The following EIF4G3 variants were observed in gnomAD, a reference collection of about 807,000 sequenced individuals.
The protein encoded by EIF4G3 is eukaryotic translation initiation factor 4 gamma 3, also known as eIF-4-gamma 3.
Under a neutral mutation model 186.4 loss-of-function variants are expected in EIF4G3, and 34 were observed. The ratio of observed to expected loss-of-function variants is 0.18; its 90% confidence interval spans 0.14 to 0.24. The LOEUF (loss-of-function observed/expected upper bound fraction) is 0.24, where lower values mean the gene tolerates loss of function less well. Among genes scored for constraint, EIF4G3 ranks in the 10% least tolerant of loss-of-function variants. EIF4G3 has a pLI of 1.00. For missense variants in EIF4G3, 1,536 were observed against 1,948.5 expected (o/e 0.79, Z 3.99); for synonymous variants, 673 against 679.5 (o/e 0.99, Z 0.15).
chr1:20,994,054 T>C (rs1276923738), intron 7 of EIF4G3, among the ~76,000 whole-genome samples: 2 of 152,230 alleles, frequency 1.3e-5, no homozygotes, highest in African/African-American at 4.8e-5. Flanking sequence ...GGAGGGTATT[T>C]GGAAATGTAC....
intron 4 of EIF4G3, among the ~76,000 whole-genome samples, chr1:21,040,649 G>T (rs574695705): frequency 6.6e-6 from 1 of 152,268 alleles, no homozygotes; most frequent in Admixed American, 6.5e-5. Context: ...TGACCAATTT[G>T]AGTTGAGATT....
intron 14 of EIF4G3, among the ~76,000 whole-genome samples, chr1:20,924,250 A>G (rs1032920416): frequency 6.6e-6 from 1 of 152,236 alleles, no homozygotes; most frequent in Non-Finnish European, 1.5e-5. Context: ...GCATCTATTT[A>G]TTCCAACTTT....
chr1:21,058,715 CTCTCTTTTTTTTTTTT>C (rs1338619763), intron 3 of EIF4G3, among the ~76,000 whole-genome samples: 4 of 117,222 alleles, frequency 3.4e-5, no homozygotes, highest in African/African-American at 1.0e-4. Flanking sequence ...TTCTCTCTCT[CTCTCTTTTTTTTTTTT>C]TTTTTTTTTT....
At chr1:20,869,293 A>C (rs1373446923) in intron 20 of EIF4G3, among the ~76,000 whole-genome samples, 5 of 148,380 alleles carry the variant, frequency 3.4e-5, no homozygotes, top group African/African-American at 1.2e-4. Flanking sequence ...TCTAGAGGAT[A>C]GTTTACTTTA....
At chr1:20,973,179 G>T in intron 10 of EIF4G3, 80 bp from the exon 11 acceptor site, 2 of 1,031,528 alleles carry the variant, frequency 1.9e-6, no homozygotes, top group Non-Finnish European at 2.9e-6. Context: ...CTGTGTCTCT[G>T]CACAATCCCC....
chr1:20,938,388 T>C lies in EIF4G3; in HGVS notation c.1663+3103A>G, dbSNP rs761455452. ...GAACTAAAAGATACCATATCCCTTATGTTATAACTTTACTGCTTTAACCAA... is the reference window on the plus strand; with the variant it reads ...GAACTAAAAGATACCATATCCCTTACGTTATAACTTTACTGCTTTAACCAA... On this transcript the variant is annotated intron_variant, in intron 14 of 36. Coordinates refer to ENST00000602326, the MANE Select transcript of EIF4G3 (RefSeq NM_001391906.1). Among the ~76,000 whole-genome samples, 3 of 152,366 alleles carry C rather than the reference T, an allele frequency of 2.0e-5. No individual in the cohort carries two copies. The East Asian group carries it at 5.8e-4, about 29-fold the overall frequency.
At chr1:21,098,549 A>ATC in intron 2 of EIF4G3, among the ~76,000 whole-genome samples, 1 of 147,646 alleles carries the variant, frequency 6.8e-6, no homozygotes, top group Non-Finnish European at 1.5e-5. Flanking sequence ...CGAAAAAAAA[A>ATC]AAAAAAAAAA....
intron 29 of EIF4G3, 173 bp from the exon 30 acceptor site, chr1:20,841,201 A>G (rs1310586231): frequency 3.5e-6 from 2 of 573,602 alleles, no homozygotes; most frequent in Non-Finnish European, 5.7e-6. Context: ...TCAGTAAATT[A>G]CAGGCTGATA....
intron 3 of EIF4G3, among the ~76,000 whole-genome samples, chr1:21,078,351 A>C (rs1335915813): frequency 6.6e-6 from 1 of 152,204 alleles, no homozygotes; most frequent in East Asian, 1.9e-4. Flanking sequence ...AGCCAAGCAA[A>C]GAAAGAAAAA....
At chr1:21,166,530 G>C (rs955125792) in intron 2 of EIF4G3, among the ~76,000 whole-genome samples, 2 of 152,116 alleles carry the variant, frequency 1.3e-5, no homozygotes, top group Non-Finnish European at 2.9e-5. Flanking sequence ...TCCGAGGCCA[G>C]CCTGGCCTAT....
At chr1:21,000,736 A>AT (rs1455857603) in intron 6 of EIF4G3, among the ~76,000 whole-genome samples, 13 of 152,140 alleles carry the variant, frequency 8.5e-5, no homozygotes, top group Non-Finnish European at 1.8e-4. Flanking sequence ...TATGTGTGTG[A>AT]TTTTTAGTAA....
chr1:20,875,959 C>T (rs2080651786), intron 20 of EIF4G3, among the ~76,000 whole-genome samples: 1 of 151,822 alleles, frequency 6.6e-6, no homozygotes, highest in Admixed American at 6.6e-5. Flanking sequence ...TGGTGGCTCA[C>T]GTCTATGGTG....
intron 2 of EIF4G3, among the ~76,000 whole-genome samples, chr1:21,140,296 T>G (rs1208236723): frequency 1.3e-5 from 2 of 152,142 alleles, no homozygotes; most frequent in African/African-American, 4.8e-5. Context: ...AAATTGAAGG[T>G]CCCAGTAGCA....
At chr1:21,167,828 ATGAACT>A (rs1288894664) in intron 2 of EIF4G3, 1 of 261,140 alleles carries the variant, frequency 3.8e-6, no homozygotes, top group East Asian at 1.4e-4. Flanking sequence ...ACATATAAAG[ATGAACT>A]TAAAGAGATA....
chr1:20,872,809 C>CCCTGCCTCAAGCAATTCT (rs1421543876), intron 20 of EIF4G3, among the ~76,000 whole-genome samples: 8 of 150,232 alleles, frequency 5.3e-5, no homozygotes, highest in Non-Finnish European at 7.4e-5. Context: ...ACCTCAACCT[C>CCCTGCCTCAAGCAATTCT]CCTGCCTCAA....
At chr1:20,937,258 A>G (rs2095546963) in intron 14 of EIF4G3, among the ~76,000 whole-genome samples, 1 of 152,338 alleles carries the variant, frequency 6.6e-6, no homozygotes, top group African/African-American at 2.4e-5. Context: ...CTGGATGGAG[A>G]GAAGATTGCT....
chr1:21,058,346 T>C (rs1258659563), intron 3 of EIF4G3, among the ~76,000 whole-genome samples: 1 of 152,138 alleles, frequency 6.6e-6, no homozygotes, highest in African/African-American at 2.4e-5. Context: ...TAAGCAGTGC[T>C]ACTTCTTCAA....
chr1:21,060,782 GAAAA>G (rs34598369), intron 3 of EIF4G3, among the ~76,000 whole-genome samples: 2 of 117,352 alleles, frequency 1.7e-5, no homozygotes, highest in East Asian at 3.5e-4. Context: ...TGTCTCTTAA[GAAAA>G]AAAAAAAAAA....
intron 19 of EIF4G3, among the ~76,000 whole-genome samples, chr1:20,883,434 C>A (rs1034614834): frequency 2.6e-5 from 4 of 151,762 alleles, no homozygotes; most frequent in Non-Finnish European, 4.4e-5. Flanking sequence ...CTGGCTTACA[C>A]GGTGAAACCT....
Sources: allele counts gnomAD v4.1 joint callset (sites outside exome capture counted in the v4.1 genomes callset), GRCh38; gene constraint gnomAD v4.1.1; transcripts MANE v1.5; gene names NCBI Gene and HGNC (gene_info 2026-07-23, HGNC 2026-07-21).